The following PTPRD variants were observed in gnomAD, a reference collection of about 807,000 sequenced individuals.
PTPRD encodes the protein protein tyrosine phosphatase receptor type D, also known as receptor-type tyrosine-protein phosphatase delta.
PTPRD carries 34 observed loss-of-function variants against 214.5 expected under a neutral mutation model. The ratio of observed to expected loss-of-function variants is 0.16; its 90% CI spans 0.12 to 0.21. The LOEUF is 0.21. Ranked by LOEUF, PTPRD falls within the 10% of genes least tolerant of loss-of-function variation. The probability of loss-of-function intolerance (pLI) is 1.00; values close to 1 mark genes in which losing one functional copy is unlikely to be tolerated. For synonymous variants in PTPRD, 1,128 were observed against 845.7 expected, an observed-to-expected ratio of 1.33 and a Z score of -5.79; for missense variants, 2,545 against 2,398.7, an observed-to-expected ratio of 1.06 and a Z score of -1.27.
chr9:9,842,560 T>C (rs1326259379), intron 5 of PTPRD, among the ~76,000 whole-genome samples: 1 of 152,070 alleles, frequency 6.6e-6, no homozygotes, highest in Admixed American at 6.6e-5. Flanking sequence ...TAGATGTCAG[T>C]ATTAATTATA....
chr9:8,851,672 T>C (rs912633947), intron 11 of PTPRD, among the ~76,000 whole-genome samples: 3 of 152,230 alleles, frequency 2.0e-5, no homozygotes, highest in African/African-American at 7.2e-5. Flanking sequence ...TCGAGAATTA[T>C]GTAAATTTAA....
At chr9:10,116,053 G>T (rs1232819329) in intron 3 of PTPRD, among the ~76,000 whole-genome samples, 1 of 152,098 alleles carries the variant, frequency 6.6e-6, no homozygotes, top group African/African-American at 2.4e-5. Flanking sequence ...AAATCTGCCT[G>T]TCTTCATGTT....
intron 8 of PTPRD, among the ~76,000 whole-genome samples, chr9:9,430,116 C>T (rs78584060): frequency 0.55 from 83,318 of 151,882 alleles, 23,562 homozygotes; most frequent in Middle Eastern, 0.68. Context: ...CAAACTGTCC[C>T]TGTTTGCAGA....
At chr9:9,672,428 T>A (rs2096849615) in intron 7 of PTPRD, among the ~76,000 whole-genome samples, 1 of 152,162 alleles carries the variant, frequency 6.6e-6, no homozygotes, top group East Asian at 1.9e-4. Flanking sequence ...TGATATCAAC[T>A]AATGTAATAA....
intron 8 of PTPRD, among the ~76,000 whole-genome samples, chr9:9,562,863 G>C (rs752337510): frequency 4.6e-5 from 7 of 151,858 alleles, no homozygotes; most frequent in Non-Finnish European, 8.8e-5. Context: ...AAATATGCTA[G>C]ATTATTCTAT....
At position 9,668,536 on chromosome 9, in the gene PTPRD, AT is replaced by A. The variant is rs555204099; in HGVS notation, c.-287+65996del. On this transcript the variant is annotated intron_variant, in intron 7 of 45. Coordinates refer to ENST00000381196, the MANE Select transcript of PTPRD (RefSeq NM_002839.4). The stretch of plus-strand genomic sequence containing the variant: ...AGATCCAATTAAGTTTTGATTGGCC[AT>A]TTTTTTTCCCACTGAAATTATAAAC... 3.5e-3 allele frequency among the ~76,000 whole-genome samples: 529 copies of A among 151,916 alleles called. 9 individuals are homozygous for A. The Middle Eastern group carries it at 0.048, about 14-fold the overall frequency.
intron 43 of PTPRD, among the ~76,000 whole-genome samples, chr9:8,338,465 G>C (rs1387227374): frequency 7.9e-5 from 12 of 152,094 alleles, no homozygotes; most frequent in Admixed American, 2.0e-4. Flanking sequence ...TTTTTCTAAA[G>C]AATGCCATTT....
At chr9:10,538,043 A>G (rs568465565) in intron 2 of PTPRD, among the ~76,000 whole-genome samples, 31 of 152,196 alleles carry the variant, frequency 2.0e-4, no homozygotes, top group African/African-American at 7.0e-4. Flanking sequence ...GATGTCAGAC[A>G]GACCTGAATC....
At chr9:8,353,931 TGTGTAC>T in intron 39 of PTPRD, among the ~76,000 whole-genome samples, 2 of 124,596 alleles carry the variant, frequency 1.6e-5, no homozygotes, top group Non-Finnish European at 3.1e-5. Flanking sequence ...TATATATGTG[TGTGTAC>T]ATATATATAT....
intron 11 of PTPRD, among the ~76,000 whole-genome samples, chr9:8,829,237 C>G (rs993455107): frequency 1.3e-5 from 2 of 152,100 alleles, no homozygotes; most frequent in African/African-American, 4.8e-5. Context: ...TTCCATCACC[C>G]CAGAAAGCTT....
chr9:9,193,482 C>T (rs1400483840), intron 9 of PTPRD, among the ~76,000 whole-genome samples: 1 of 152,074 alleles, frequency 6.6e-6, no homozygotes, highest in African/African-American at 2.4e-5. Context: ...TCATTGTATG[C>T]ACACCACAGA....
At chr9:8,631,554 A>G (rs1409091695) in intron 14 of PTPRD, among the ~76,000 whole-genome samples, 2 of 151,526 alleles carry the variant, frequency 1.3e-5, no homozygotes, top group African/African-American at 4.8e-5. Flanking sequence ...ACTCTATGGG[A>G]CTCACTGTTT....
intron 2 of PTPRD, among the ~76,000 whole-genome samples, chr9:10,367,257 C>T (rs566184373): frequency 7.3e-4 from 111 of 152,240 alleles, no homozygotes; most frequent in Non-Finnish European, 1.4e-3. Flanking sequence ...GTGCCAAAGC[C>T]TTCCACTGTC....
At chr9:8,779,176 A>G (rs953345835) in intron 11 of PTPRD, among the ~76,000 whole-genome samples, 10 of 152,238 alleles carry the variant, frequency 6.6e-5, no homozygotes, top group Admixed American at 6.5e-4. Context: ...GAAAAATAAC[A>G]GCAGGAAGAC....
intron 10 of PTPRD, among the ~76,000 whole-genome samples, chr9:9,094,114 G>T (rs2099780130): frequency 6.6e-6 from 1 of 152,114 alleles, no homozygotes; most frequent in South Asian, 2.1e-4. Flanking sequence ...CACTCAAGTG[G>T]AAATGGTCAC....
At chr9:10,511,903 C>CATATATATACGTGT (rs2048191780) in intron 2 of PTPRD, among the ~76,000 whole-genome samples, 2 of 112,450 alleles carry the variant, frequency 1.8e-5, no homozygotes, top group African/African-American at 6.8e-5. Flanking sequence ...CATATATATA[C>CATATATATACGTGT]ATATATATAT....
chr9:10,290,161 G>T (rs921434698), intron 3 of PTPRD, among the ~76,000 whole-genome samples: 1 of 152,070 alleles, frequency 6.6e-6, no homozygotes, highest in Non-Finnish European at 1.5e-5. Flanking sequence ...ATTGTGAGTG[G>T]GTGGTTGCTG....
At chr9:9,582,538 A>C (rs2091056686) in intron 7 of PTPRD, among the ~76,000 whole-genome samples, 1 of 149,708 alleles carries the variant, frequency 6.7e-6, no homozygotes, top group South Asian at 2.1e-4. Context: ...ATATGGAAAA[A>C]GAAAGCAGAT....
At chr9:8,539,036 T>C (rs1271969805) in intron 14 of PTPRD, among the ~76,000 whole-genome samples, 1 of 151,898 alleles carries the variant, frequency 6.6e-6, no homozygotes, top group Non-Finnish European at 1.5e-5. Flanking sequence ...AGGTATATAC[T>C]AAATGTACAC....
Sources: allele counts gnomAD v4.1 joint callset (sites outside exome capture counted in the v4.1 genomes callset), GRCh38; gene constraint gnomAD v4.1.1; transcripts MANE v1.5; gene names NCBI Gene and HGNC (gene_info 2026-07-23, HGNC 2026-07-21).